The following NRIP1 variants were observed in gnomAD, a reference collection of about 807,000 sequenced individuals.
NRIP1 encodes the protein nuclear receptor-interacting protein 1.
In NRIP1, 28 loss-of-function variants were observed where a neutral mutation model predicts 75.0. That is an observed-to-expected ratio of 0.37 (90% CI 0.28 to 0.51). The LOEUF (loss-of-function observed/expected upper bound fraction) is 0.51, where lower values mean the gene tolerates loss of function less well. Ranked by LOEUF, NRIP1 falls within the 20% of genes least tolerant of loss-of-function variation. NRIP1 has a pLI of 0.92. For synonymous variants in NRIP1, 526 were observed against 487.6 expected (o/e 1.08, Z -1.04); for missense variants, 1,435 against 1,343.7 (o/e 1.07, Z -1.06).
In NRIP1 at chr21:14,964,593, T is replaced by G. The variant is rs1279323568; in HGVS notation, c.*123A>C. The G allele has an allele frequency of 4.9e-6, 4 of 814,676 alleles. No individual in the cohort carries two copies. In the East Asian group the frequency reaches 1.0e-4, roughly 21 times the overall value. 50.5% of individuals were successfully genotyped at this position (814,676 alleles called of 1,614,324 possible). A position where few individuals can be genotyped will look rare whatever the true frequency, so the allele number is the denominator to read the frequency against. On this transcript the variant is annotated 3_prime_UTR_variant, in exon 4 of 4. Coordinates refer to ENST00000318948, the MANE Select transcript of NRIP1 (RefSeq NM_003489.4). Reference sequence around the variant, plus strand: ...TTCAACATCACCAGTAACCAATACTTTTCAAAATGAAAAAAGTTTCAATTA... The same window carrying G: ...TTCAACATCACCAGTAACCAATACTGTTCAAAATGAAAAAAGTTTCAATTA...
chr21:14,963,415 C>G lies in NRIP1; in HGVS notation c.*1301G>C, dbSNP rs1390475932. The G allele has an allele frequency of 6.6e-6, 1 of 152,380 alleles. No homozygotes were observed. Among genetic ancestry groups the G allele is most frequent in the Non-Finnish European group, 1.5e-5 (1 of 67,956 alleles). 9.4% of individuals were successfully genotyped at this position (152,380 alleles called of 1,614,324 possible). A position where few individuals can be genotyped will look rare whatever the true frequency, so the allele number is the denominator to read the frequency against. The stretch of plus-strand genomic sequence containing the variant: ...CACAGATTTTCCTGAGATGTTGAGC[C>G]AGATATGAAAGTTATCCCCTCCACC... On this transcript the variant is annotated 3_prime_UTR_variant, in exon 4 of 4. Coordinates refer to ENST00000318948, the MANE Select transcript of NRIP1 (RefSeq NM_003489.4).
chr21:15,013,564 T>C (rs2088159791), intron 3 of NRIP1, among the ~76,000 whole-genome samples: 1 of 152,240 alleles, frequency 6.6e-6, no homozygotes, highest in African/African-American at 2.4e-5. Flanking sequence ...TCAATCATTA[T>C]GCCTTTACCT....
rs985022955 is a variant in NRIP1 at position 14,966,321 on chromosome 21, C to T, written c.1872G>A (p.Thr624=). Residue 624 remains threonine (T), a synonymous_variant, in exon 4 of 4, where the codon ACG becomes ACA. Transcript: ENST00000318948. ...TTTGTAACAGCTTACTGGCACTAAACGTTGCAGAGTTCTGTGCACCTTCAT... is the reference window on the plus strand; with the variant it reads ...TTTGTAACAGCTTACTGGCACTAAATGTTGCAGAGTTCTGTGCACCTTCAT... The part of the protein sequence containing the change: ...AQNEGAQNSA[T]FSASKLLQNL... 6.8e-6 allele frequency: 11 copies of T among 1,613,946 alleles called. No individual in the cohort carries two copies. Among genetic ancestry groups the T allele is most frequent in the East Asian group, 2.2e-5 (1 of 44,902 alleles).
At chr21:14,993,668 C>A (rs958017530) in intron 3 of NRIP1, among the ~76,000 whole-genome samples, 1 of 151,680 alleles carries the variant, frequency 6.6e-6, no homozygotes, top group Non-Finnish European at 1.5e-5. Flanking sequence ...GCCTGTTGTC[C>A]CAGCTTCTTG....
intron 3 of NRIP1, among the ~76,000 whole-genome samples, chr21:14,973,555 C>A (rs1371366707): frequency 6.6e-6 from 1 of 151,896 alleles, no homozygotes; most frequent in Non-Finnish European, 1.5e-5. Flanking sequence ...TAGAGTGGTT[C>A]CATAAAATTT....
At chr21:15,064,087 G>C (rs765749747) in intron 1 of NRIP1, among the ~76,000 whole-genome samples, 1 of 152,242 alleles carries the variant, frequency 6.6e-6, no homozygotes, top group African/African-American at 2.4e-5. Context: ...CACAGAAGAA[G>C]GGAGAAAAGG....
chr21:15,016,545 T>C (rs1157152494), intron 2 of NRIP1, among the ~76,000 whole-genome samples: 4 of 152,174 alleles, frequency 2.6e-5, no homozygotes, highest in Admixed American at 1.3e-4. Flanking sequence ...AAAAAGATTA[T>C]AACCTTTTAT....
chr21:14,992,949 T>C (rs2087614933), intron 3 of NRIP1: 1 of 153,504 alleles, frequency 6.5e-6, no homozygotes, highest in East Asian at 1.9e-4. Context: ...CTTGCATCTC[T>C]ACTTTTAACT....
chr21:15,065,394 A>G (rs1459346100), upstream of NRIP1, among the ~76,000 whole-genome samples: 1 of 151,868 alleles, frequency 6.6e-6, no homozygotes, highest in Non-Finnish European at 1.5e-5. Context: ...GCGCCTGGAC[A>G]GCTCCTCCTG....
intron 3 of NRIP1, among the ~76,000 whole-genome samples, chr21:14,983,047 T>C (rs2087289891): frequency 6.6e-6 from 1 of 152,082 alleles, no homozygotes; most frequent in Non-Finnish European, 1.5e-5. Context: ...CACAACAATA[T>C]TGAAATTAGA....
chr21:15,021,780 A>G lies in NRIP1; in HGVS notation c.-457-7314T>C, dbSNP rs9680512. Among the ~76,000 whole-genome samples the G allele has an allele frequency of 2.7e-3, 406 of 152,348 alleles. 2 individuals carry two copies. The highest frequency in any genetic ancestry group is 9.2e-3 in the African/African-American group (384 of 41,582). ...GAAGACATTCGTGCGGCCAGCAAAT[A>G]TAGATATAAAAGCTCAACATCACTG... On this transcript the variant is annotated intron_variant, in intron 2 of 3. Transcript: ENST00000318948.
intron 3 of NRIP1, among the ~76,000 whole-genome samples, chr21:15,012,572 C>T (rs1423291659): frequency 2.7e-5 from 4 of 149,734 alleles, no homozygotes; most frequent in Non-Finnish European, 5.9e-5. Context: ...CCTGCCTCAG[C>T]CTCCCAAATA....
chr21:14,982,549 T>C (rs1311840056), intron 3 of NRIP1, among the ~76,000 whole-genome samples: 1 of 152,160 alleles, frequency 6.6e-6, no homozygotes, highest in Non-Finnish European at 1.5e-5. Flanking sequence ...TTAGGCAGCC[T>C]TCACTGAACT....
intron 3 of NRIP1, among the ~76,000 whole-genome samples, chr21:14,977,851 A>C (rs537872399): frequency 6.6e-6 from 1 of 152,310 alleles, no homozygotes; most frequent in South Asian, 2.1e-4. Flanking sequence ...TAATTATCTA[A>C]ATACATTTTG....
chr21:15,000,539 A>T (rs1212008296), intron 3 of NRIP1, among the ~76,000 whole-genome samples: 1 of 152,210 alleles, frequency 6.6e-6, no homozygotes, highest in African/African-American at 2.4e-5. Context: ...TCCCCATCTT[A>T]CTTGGCTAAT....
intron 1 of NRIP1, among the ~76,000 whole-genome samples, chr21:15,043,820 T>C (rs2089011350): frequency 7.0e-6 from 1 of 142,250 alleles, no homozygotes; most frequent in Non-Finnish European, 1.5e-5. Context: ...AATTGTTTTT[T>C]TGTTTGTTTG....
intron 1 of NRIP1, among the ~76,000 whole-genome samples, chr21:15,062,930 A>AAAG: frequency 3.3e-5 from 5 of 152,366 alleles, no homozygotes; most frequent in Admixed American, 1.3e-4. Context: ...TAAAAGAGGC[A>AAAG]TTAAACCTGG....
At chr21:15,014,648 C>T (rs1287624952) in intron 2 of NRIP1, among the ~76,000 whole-genome samples, 182 bp from the exon 3 acceptor site, 1 of 152,160 alleles carries the variant, frequency 6.6e-6, no homozygotes, top group Non-Finnish European at 1.5e-5. Flanking sequence ...CAATAGATCT[C>T]TGCTTTCTAG....
chr21:14,993,880 T>C (rs150644319), intron 3 of NRIP1, among the ~76,000 whole-genome samples: 187 of 152,360 alleles, frequency 1.2e-3, no homozygotes, highest in African/African-American at 4.2e-3. Context: ...TATTACTTAC[T>C]ACTTTGAAAA....
Sources: gnomAD v4.1 joint callset for allele counts (sites outside exome capture counted in the v4.1 genomes callset) on GRCh38, gnomAD v4.1.1 for gene constraint, MANE v1.5 for transcripts, NCBI Gene and HGNC (gene_info 2026-07-23, HGNC 2026-07-21) for gene names.